PIEZO2: variants seen among roughly 807,000 people sequenced by gnomAD.
The protein encoded by PIEZO2 is piezo-type mechanosensitive ion channel component 2.
In PIEZO2, 172 loss-of-function variants were observed where a neutral mutation model predicts 337.3. The observed-to-expected ratio is 0.51, with a 90% CI of 0.45 to 0.58. The LOEUF (loss-of-function observed/expected upper bound fraction) is 0.58, where lower values mean the gene tolerates loss of function less well. PIEZO2 is among the 20% of genes least tolerant of loss of function. The pLI is 0.00. For synonymous variants in PIEZO2, 1,251 were observed against 1,228.5 expected, an observed-to-expected ratio of 1.02 and a Z score of -0.38; for missense variants, 3,028 against 3,391.3, an observed-to-expected ratio of 0.89 and a Z score of 2.66.
intron 8 of PIEZO2, among the ~76,000 whole-genome samples, chr18:10,806,086 AC>A (rs2039994433): frequency 6.6e-6 from 1 of 152,190 alleles, no homozygotes; most frequent in African/African-American, 2.4e-5. Flanking sequence ...ATACTCATTG[AC>A]TGGCTGACTG....
In PIEZO2 at chr18:10,855,267, C is replaced by G; in HGVS notation, c.917+86G>C. Reference sequence around the variant, plus strand: ...AGCAATTGCCTGCCATCAAGAATAACCCCTGTAAATTCACAATGCCAAACC... The same window carrying G: ...AGCAATTGCCTGCCATCAAGAATAAGCCCTGTAAATTCACAATGCCAAACC... On this transcript the variant is annotated intron_variant, in intron 7 of 55. Coordinates refer to ENST00000674853, the MANE Select transcript of PIEZO2 (RefSeq NM_001378183.1). The surrounding 1 kb of genome is among the most constrained non-coding windows in gnomAD (Gnocchi z 4.9). 3 of 1,195,466 alleles carry G rather than the reference C, an allele frequency of 2.5e-6. No homozygotes were observed. In the Admixed American group the frequency reaches 6.3e-5, roughly 25 times the overall value. The allele number at this position is 1,195,466 out of a possible 1,614,324, so 74.1% of individuals were successfully genotyped here. A position where few individuals can be genotyped will look rare whatever the true frequency, so the allele number is the denominator to read the frequency against.
At chr18:10,970,660 T>TCTCACACACACACACACACACACACACA (rs1254875088) in intron 3 of PIEZO2, among the ~76,000 whole-genome samples, 1 of 137,434 alleles carries the variant, frequency 7.3e-6, no homozygotes, top group Non-Finnish European at 1.6e-5. Context: ...AAAAGATGTT[T>TCTCACACACACACACACACACACACACA]CACACACACA....
In PIEZO2 at chr18:10,903,500, C is replaced by T. The variant is rs557164157; in HGVS notation, c.329+7686G>A. Reference sequence around the variant, plus strand: ...GGCCAACAACATGGTGAAACCCCGTCTCTACCAAAAATAAAAAAAATTAGC... The same window carrying T: ...GGCCAACAACATGGTGAAACCCCGTTTCTACCAAAAATAAAAAAAATTAGC... On this transcript the variant is annotated intron_variant, in intron 4 of 55. Transcript: ENST00000674853. This position sits in a 1 kb window ranked among gnomAD's most constrained non-coding sequence, Gnocchi z 4.1. 3.5e-4 allele frequency among the ~76,000 whole-genome samples: 54 copies of T among 152,148 alleles called. No individual in the cohort carries two copies. The highest frequency in any genetic ancestry group is 1.3e-3 in the African/African-American group (52 of 41,500).
At chr18:11,107,681 A>G (rs2039608465) in intron 1 of PIEZO2, among the ~76,000 whole-genome samples, 2 of 152,242 alleles carry the variant, frequency 1.3e-5, no homozygotes. Context: ...AAAATTATTA[A>G]TAAATTTCAA....
In PIEZO2 at chr18:10,715,006, GAC is replaced by G. The variant is rs778122303; in HGVS notation, c.5257-78_5257-77del. 4 of 1,428,758 alleles carry G rather than the reference GAC, an allele frequency of 2.8e-6. No homozygotes were observed. In the African/African-American group the frequency reaches 5.6e-5, roughly 20 times the overall value. The allele number at this position is 1,428,758 out of a possible 1,614,324, so 88.5% of individuals were successfully genotyped here. A position where few individuals can be genotyped will look rare whatever the true frequency, so the allele number is the denominator to read the frequency against. ...TAGCCACCTGGCATTTCTCAACACA[GAC>G]AGCTTTTCATACCCATGCATGCCTG... On this transcript the variant is annotated intron_variant, in intron 38 of 55. Transcript: ENST00000674853.
chr18:11,078,447 C>A lies in PIEZO2; in HGVS notation c.65-12225G>T, dbSNP rs78409207. On this transcript the variant is annotated intron_variant, in intron 1 of 55. Transcript: ENST00000674853. The surrounding 1 kb of genome is among the most constrained non-coding windows in gnomAD (Gnocchi z 5.3). ...ATCTCCAGCACATGATGCGACCCAA[C>A]ATTACATCTTAACAACTAATACAGC... Among the ~76,000 whole-genome samples, 2,261 of 152,312 alleles carry A rather than the reference C, an allele frequency of 0.015. 63 individuals are homozygous for A. Among genetic ancestry groups the A allele is most frequent in the African/African-American group, 0.051 (2,109 of 41,566 alleles).
chr18:11,018,841 C>T (rs2036215431), intron 2 of PIEZO2, among the ~76,000 whole-genome samples: 1 of 152,222 alleles, frequency 6.6e-6, no homozygotes, highest in Non-Finnish European at 1.5e-5. Flanking sequence ...ACAATTCTAC[C>T]CATAACAGAT....
At chr18:10,926,472 G>A (rs545013324) in intron 3 of PIEZO2, among the ~76,000 whole-genome samples, 8 of 152,254 alleles carry the variant, frequency 5.3e-5, no homozygotes, top group African/African-American at 1.7e-4. Flanking sequence ...AGATGAAACA[G>A]GCTTAAAATA....
At chr18:10,715,017 A>C in intron 38 of PIEZO2, 87 bp from the exon 39 acceptor site, 1 of 1,295,442 alleles carries the variant, frequency 7.7e-7, no homozygotes. Context: ...ACAGCTTTTC[A>C]TACCCATGCA....
intron 1 of PIEZO2, among the ~76,000 whole-genome samples, chr18:11,145,619 A>G (rs1225723783): frequency 6.6e-6 from 1 of 152,180 alleles, no homozygotes; most frequent in Non-Finnish European, 1.5e-5. Context: ...CGCAGGAGAG[A>G]AACCTGAATA....
intron 2 of PIEZO2, among the ~76,000 whole-genome samples, chr18:11,054,676 C>T (rs2037651692): frequency 6.6e-6 from 1 of 152,204 alleles, no homozygotes; most frequent in South Asian, 2.1e-4. Context: ...CCAAACACTC[C>T]CTCATTCTCC....
intron 4 of PIEZO2, among the ~76,000 whole-genome samples, chr18:10,876,749 C>T (rs1283558190): frequency 6.6e-6 from 1 of 152,134 alleles, no homozygotes; most frequent in Admixed American, 6.5e-5. Context: ...CAAGCTCAGG[C>T]TTTTTACTTT....
intron 43 of PIEZO2, 145 bp downstream of exon 43, chr18:10,701,844 T>A: frequency 1.8e-6 from 1 of 555,230 alleles, no homozygotes; most frequent in Non-Finnish European, 2.8e-6. Context: ...CTTTTTTTTT[T>A]TAAAAAAAAC....
intron 4 of PIEZO2, among the ~76,000 whole-genome samples, chr18:10,876,097 T>G (rs966693764): frequency 6.6e-6 from 1 of 152,280 alleles, no homozygotes; most frequent in Non-Finnish European, 1.5e-5. Flanking sequence ...GTCTGACTGA[T>G]ATGTCATTTG....
At chr18:10,857,774 C>T (rs375765472) in intron 5 of PIEZO2, among the ~76,000 whole-genome samples, 223 of 152,284 alleles carry the variant, frequency 1.5e-3, no homozygotes, top group Middle Eastern at 3.4e-3. Context: ...GAGAATGATA[C>T]GCTGGTTCAA....
intron 15 of PIEZO2, 130 bp from the exon 16 acceptor site, chr18:10,787,314 T>G (rs564848228): frequency 1.0e-6 from 1 of 993,008 alleles, no homozygotes; most frequent in Non-Finnish European, 1.4e-6. Flanking sequence ...GTCTATTTCA[T>G]TTCTAGTTTT....
In PIEZO2 at chr18:11,117,239, C is replaced by T. The variant is rs2039918254; in HGVS notation, c.64+31286G>A. Among the ~76,000 whole-genome samples, 3 of 152,182 alleles carry T rather than the reference C, an allele frequency of 2.0e-5. No homozygotes were observed. In the South Asian group the frequency reaches 6.2e-4, roughly 32 times the overall value. On this transcript the variant is annotated intron_variant, in intron 1 of 55. Transcript: ENST00000674853. ...GATTTGCTCATTACACATTATTTGC[C>T]TGCATCAAAATATCACCTGTATGCC... is the stretch of plus-strand genomic sequence containing the variant.
rs9957802 is a variant in PIEZO2, at chr18:11,111,004, A to G, written c.64+37521T>C. Among the ~76,000 whole-genome samples the G allele has an allele frequency of 0.4, 60,180 of 151,996 alleles. 12,169 individuals carry two copies. The highest frequency in any genetic ancestry group is 0.53 in the East Asian group (2,732 of 5,160). ...ACTGCAGGGCTTCGGAACGGAGGAG[A>G]AGCTGAGATACTTCAGTGCAGCTGC... is the stretch of plus-strand genomic sequence containing the variant. On this transcript the variant is annotated intron_variant, in intron 1 of 55. Transcript: ENST00000674853. The surrounding 1 kb of genome is among the most constrained non-coding windows in gnomAD (Gnocchi z 6.2).
intron 3 of PIEZO2, among the ~76,000 whole-genome samples, chr18:10,964,411 A>G (rs2033916021): frequency 6.6e-6 from 1 of 152,236 alleles, no homozygotes; most frequent in African/African-American, 2.4e-5. Context: ...TGCAGAGAAT[A>G]ATAGCAAATA....
Sources: gnomAD v4.1 joint callset for allele counts (sites outside exome capture counted in the v4.1 genomes callset) on GRCh38, gnomAD v4.1.1 for gene constraint, Gnocchi (gnomAD v3.1) non-coding constraint, MANE v1.5 for transcripts, NCBI Gene and HGNC (gene_info 2026-07-23, HGNC 2026-07-21) for gene names.